The following LGMN variants were observed in gnomAD, a reference collection of about 807,000 sequenced individuals.
LGMN encodes the protein legumain.
In LGMN, 36 loss-of-function variants were observed where a neutral mutation model predicts 56.8. The ratio of observed to expected loss-of-function variants is 0.63; its 90% confidence interval spans 0.49 to 0.84. LGMN has a LOEUF of 0.84. Ranked by LOEUF, LGMN falls within the 40% of genes least tolerant of loss-of-function variation. The pLI, the probability that LGMN is intolerant of heterozygous loss-of-function variation, is 0.00. For synonymous variants in LGMN, 199 were observed against 210.1 expected, an observed-to-expected ratio of 0.95 and a Z score of 0.46; for missense variants, 446 against 556.1, an observed-to-expected ratio of 0.80 and a Z score of 1.99.
intron 4 of LGMN, among the ~76,000 whole-genome samples, chr14:92,716,893 T>A (rs1040317290): frequency 1.3e-5 from 2 of 152,160 alleles, no homozygotes; most frequent in Non-Finnish European, 2.9e-5. Context: ...TGAGACAGTC[T>A]CAATCAACTA....
intron 1 of LGMN, among the ~76,000 whole-genome samples, chr14:92,740,109 G>A (rs779860138): frequency 4.6e-5 from 7 of 152,206 alleles, no homozygotes; most frequent in African/African-American, 1.7e-4. Context: ...TTAGCTGGGC[G>A]TGGTTGTACA....
chr14:92,742,135 A>G (rs995977474), intron 1 of LGMN, among the ~76,000 whole-genome samples: 1 of 150,978 alleles, frequency 6.6e-6, no homozygotes, highest in African/African-American at 2.4e-5. Context: ...AGTATACTGA[A>G]TATTTTAAGG....
rs554249070 is a variant in LGMN, at chr14:92,706,207, A to C, written c.1191+276T>G. Reference sequence around the variant, plus strand: ...GAGGGTGGGGTTTGGCAGGGACAGCAGAAGTGTGAACACAAGTAACTGTTC... The same window carrying C: ...GAGGGTGGGGTTTGGCAGGGACAGCCGAAGTGTGAACACAAGTAACTGTTC... On this transcript the variant is annotated intron_variant, in intron 12 of 13. Coordinates refer to ENST00000334869, the MANE Select transcript of LGMN (RefSeq NM_005606.7). The C allele has an allele frequency of 4.6e-4, 157 of 342,366 alleles. No homozygotes were observed. In the East Asian group the frequency reaches 6.9e-3, roughly 15 times the overall value. 21.2% of individuals were successfully genotyped at this position (342,366 alleles called of 1,614,324 possible). A position where few individuals can be genotyped will look rare whatever the true frequency, so the allele number is the denominator to read the frequency against.
At position 92,703,879 on chromosome 14, in the gene LGMN, A is replaced by G. The variant is rs1233778192; in HGVS notation, c.*440T>C. On this transcript the variant is annotated 3_prime_UTR_variant, in exon 14 of 14. Coordinates refer to ENST00000334869, the MANE Select transcript of LGMN (RefSeq NM_005606.7). ...GCAGAATTAAATACAAAAGCAATCA[A>G]AAATCATCATATTTTCTAAAAACAG... is the stretch of plus-strand genomic sequence containing the variant. 1 of 421,272 alleles carries G rather than the reference A, an allele frequency of 2.4e-6. No homozygotes were observed. The highest frequency in any genetic ancestry group is 5.3e-5 in the East Asian group (1 of 18,832). 26.1% of individuals were successfully genotyped at this position (421,272 alleles called of 1,614,324 possible).
chr14:92,739,968 C>G (rs535059566), intron 1 of LGMN, among the ~76,000 whole-genome samples: 1 of 152,270 alleles, frequency 6.6e-6, no homozygotes, highest in South Asian at 2.1e-4. Context: ...GAAAGACTCC[C>G]AGCTGGGCAC....
chr14:92,713,422 G>A (rs1889902606), intron 7 of LGMN, among the ~76,000 whole-genome samples: 1 of 152,062 alleles, frequency 6.6e-6, no homozygotes, highest in Non-Finnish European at 1.5e-5. Flanking sequence ...GGTGCTATAG[G>A]GGTGAGAAAG....
At chr14:92,743,098 C>CT (rs1188608721) in intron 1 of LGMN, 1 of 152,036 alleles carries the variant, frequency 6.6e-6, no homozygotes, top group Non-Finnish European at 1.5e-5. Context: ...AGGGGAGACC[C>CT]TTCCTCTCTC....
At position 92,730,242 on chromosome 14, in the gene LGMN, T is replaced by C. The variant is rs752048038; in HGVS notation, c.138+2407A>G. Among the ~76,000 whole-genome samples, 11 of 152,232 alleles carry C rather than the reference T, an allele frequency of 7.2e-5. No individual in the cohort carries two copies. The South Asian group carries it at 1.5e-3, about 20-fold the overall frequency. ...CATGGGTCAGGTCTGTGGTTAAGTA[T>C]TAAAGGGAGAAGGGATCATTTTGCC... On this transcript the variant is annotated intron_variant, in intron 2 of 13. Transcript: ENST00000334869.
Position 92,708,800 on chromosome 14 carries a change from T to C in LGMN, c.1020+872A>G, listed in dbSNP as rs978475488. On this transcript the variant is annotated intron_variant, in intron 11 of 13. Coordinates refer to ENST00000334869, the MANE Select transcript of LGMN (RefSeq NM_005606.7). ...TAAACCCAGGAGGCGGAGGTTGCAG[T>C]GAGCCGAGATCACACCACTGCATTC... Among the ~76,000 whole-genome samples the C allele has an allele frequency of 3.8e-5, 5 of 130,966 alleles. No homozygotes were observed. In the East Asian group the frequency reaches 6.5e-4, roughly 17 times the overall value. 85.9% of individuals were successfully genotyped at this position (130,966 alleles called of 152,430 possible). A position where few individuals can be genotyped will look rare whatever the true frequency, so the allele number is the denominator to read the frequency against.
chr14:92,704,575 G>T, intron 13 of LGMN, 65 bp downstream of exon 13: 1 of 1,379,246 alleles, frequency 7.3e-7, no homozygotes, highest in South Asian at 1.2e-5. Context: ...TGCAGAAGAG[G>T]ATGGCAGCCC....
chr14:92,732,329 C>A, intron 2 of LGMN: 1 of 278,394 alleles, frequency 3.6e-6, no homozygotes, highest in Non-Finnish European at 6.9e-6. Flanking sequence ...AGACGGCCCC[C>A]AACAACCAAG....
intron 1 of LGMN, among the ~76,000 whole-genome samples, chr14:92,747,932 C>G (rs1891890853): frequency 6.6e-6 from 1 of 152,174 alleles, no homozygotes. Flanking sequence ...AGTTAACTTT[C>G]ACTTCCAAGA....
At chr14:92,728,261 T>C (rs370550361) in intron 2 of LGMN, among the ~76,000 whole-genome samples, 1 of 152,218 alleles carries the variant, frequency 6.6e-6, no homozygotes, top group East Asian at 1.9e-4. Flanking sequence ...TTAGTTAGAT[T>C]CTCACAAGGA....
At chr14:92,743,490 G>A (rs866095739) in intron 1 of LGMN, among the ~76,000 whole-genome samples, 9 of 150,904 alleles carry the variant, frequency 6.0e-5, no homozygotes, top group South Asian at 2.1e-4. Context: ...GCAACAAAGC[G>A]AGACTCCGTC....
At chr14:92,712,576 C>T (rs149706109) in intron 8 of LGMN, 23 of 539,524 alleles carry the variant, frequency 4.3e-5, no homozygotes, top group East Asian at 1.3e-4. Context: ...AGTAGTTTTA[C>T]GAGAACCTGG....
At chr14:92,718,906 A>G in intron 2 of LGMN, 62 bp from the exon 3 acceptor site, 4 of 1,109,720 alleles carry the variant, frequency 3.6e-6, no homozygotes, top group Non-Finnish European at 2.8e-6. Flanking sequence ...TGGAGTTCTA[A>G]GGAGTGATGT....
intron 11 of LGMN, among the ~76,000 whole-genome samples, chr14:92,708,856 C>CAAAAAAAAAAAAAAAAAAAAAAA (rs58813848): frequency 1.4e-5 from 1 of 71,646 alleles, no homozygotes; most frequent in South Asian, 4.9e-4. Context: ...ACTCTTGTCT[C>CAAAAAAAAAAAAAAAAAAAAAAA]AAAAAAAAAA....
In LGMN at chr14:92,716,229, G is replaced by T. The variant is rs774003639; in HGVS notation, c.319-8C>A. ...ATTTTGTGGGGTAACATCCTACAAA[G>T]AATTAGGAGCCACAATCAGATGCAG... is the stretch of plus-strand genomic sequence containing the variant. On this transcript the variant is annotated splice_region_variant and splice_polypyrimidine_tract_variant and intron_variant, in intron 4 of 13. Coordinates refer to ENST00000334869, the MANE Select transcript of LGMN (RefSeq NM_005606.7). The T allele has an allele frequency of 1.7e-5, 28 of 1,601,964 alleles. No homozygotes were observed. The highest frequency in any genetic ancestry group is 2.1e-5 in the Non-Finnish European group (25 of 1,169,164).
intron 2 of LGMN, among the ~76,000 whole-genome samples, chr14:92,722,193 G>A (rs1460656420): frequency 6.6e-6 from 1 of 151,210 alleles, no homozygotes; most frequent in Non-Finnish European, 1.5e-5. Context: ...TTTTTAGCAA[G>A]GTGCAAGGTA....
Sources: allele counts gnomAD v4.1 joint callset (sites outside exome capture counted in the v4.1 genomes callset), GRCh38; gene constraint gnomAD v4.1.1; transcripts MANE v1.5; gene names NCBI Gene and HGNC (gene_info 2026-07-23, HGNC 2026-07-21).